The following ZMIZ1 variants were observed in gnomAD, a reference collection of about 807,000 sequenced individuals.
ZMIZ1 encodes zinc finger MIZ-type containing 1.
A neutral mutation model predicts 113.9 loss-of-function variants in ZMIZ1; 17 were observed. That is an observed-to-expected ratio of 0.15 (90% CI 0.10 to 0.22). The LOEUF is 0.22. ZMIZ1 is among the 10% of genes least tolerant of loss of function. The probability of loss-of-function intolerance (pLI) is 1.00; values close to 1 mark genes in which losing one functional copy is unlikely to be tolerated. For synonymous variants in ZMIZ1, 607 were observed against 603.1 expected, an observed-to-expected ratio of 1.01 and a Z score of -0.09; for missense variants, 1,059 against 1,477.8, an observed-to-expected ratio of 0.72 and a Z score of 4.65.
intron 7 of ZMIZ1, among the ~76,000 whole-genome samples, chr10:79,222,353 C>T (rs1423854363): frequency 6.6e-6 from 1 of 152,170 alleles, no homozygotes; most frequent in Non-Finnish European, 1.5e-5. Flanking sequence ...GCTGTGCCCT[C>T]CCCATCCTTC....
In ZMIZ1 at chr10:79,300,995, G is replaced by A. The variant is rs77314359; in HGVS notation, c.2019+53G>A. The A allele has an allele frequency of 8.3e-3, 13,158 of 1,591,740 alleles. 675 individuals are homozygous for A. The East Asian group carries it at 0.15, about 18-fold the overall frequency. ...TGGCACAGGCAGGCCCTGTTTCACG[G>A]CATGAGAGTGCGGAATACCCTGCCC... On this transcript the variant is annotated intron_variant, in intron 17 of 24. Transcript: ENST00000334512.
intron 7 of ZMIZ1, among the ~76,000 whole-genome samples, chr10:79,248,584 C>A (rs1850352950): frequency 6.6e-6 from 1 of 152,190 alleles, no homozygotes; most frequent in African/African-American, 2.4e-5. Flanking sequence ...AATGTCCCTG[C>A]CCCTGCTGAC....
intron 1 of ZMIZ1, among the ~76,000 whole-genome samples, chr10:79,071,311 G>T (rs1842277448): frequency 6.6e-6 from 1 of 152,254 alleles, no homozygotes; most frequent in Non-Finnish European, 1.5e-5. Flanking sequence ...CTCCTCCCTG[G>T]TGGGTGTGAG....
chr10:79,171,679 A>C (rs1475264690), intron 4 of ZMIZ1, among the ~76,000 whole-genome samples: 2 of 152,184 alleles, frequency 1.3e-5, no homozygotes, highest in African/African-American at 2.4e-5. Flanking sequence ...GGATGTGTTG[A>C]GATCAAAAGA....
chr10:79,236,173 GC>G (rs1276689979), intron 7 of ZMIZ1, among the ~76,000 whole-genome samples: 1 of 152,210 alleles, frequency 6.6e-6, no homozygotes, highest in Non-Finnish European at 1.5e-5. Flanking sequence ...TGGTCCTGCA[GC>G]CTGGGCCAGA....
intron 1 of ZMIZ1, among the ~76,000 whole-genome samples, chr10:79,096,476 C>T (rs985541774): frequency 2.6e-5 from 4 of 152,118 alleles, no homozygotes; most frequent in African/African-American, 9.7e-5. Context: ...TGCGCCACTG[C>T]ACTCCAGCCT....
At chr10:79,183,831 A>G (rs948081901) in intron 4 of ZMIZ1, among the ~76,000 whole-genome samples, 1 of 152,158 alleles carries the variant, frequency 6.6e-6, no homozygotes, top group African/African-American at 2.4e-5. Flanking sequence ...TTATCCTATC[A>G]TCATCATCAT....
At chr10:79,180,600 C>T (rs4980041) in intron 4 of ZMIZ1, among the ~76,000 whole-genome samples, 54,424 of 152,022 alleles carry the variant, frequency 0.36, 11,607 homozygotes, top group African/African-American at 0.57. Flanking sequence ...TCCTCCGAGT[C>T]CCCCAGAGGC....
rs183071475 is a variant in ZMIZ1 at position 79,303,041 on chromosome 10, T to C, written c.2125+829T>C. Among the ~76,000 whole-genome samples, 754 of 152,014 alleles carry C rather than the reference T, an allele frequency of 5.0e-3. 9 individuals are homozygous for C. The highest frequency in any genetic ancestry group is 0.017 in the African/African-American group (708 of 41,506). On this transcript the variant is annotated intron_variant, in intron 18 of 24. Transcript: ENST00000334512. ...CGCACCTGGCTAATTTTTTGTGTTT[T>C]AGTAGAGACGGGGTTTCACCGTGTT...
chr10:79,106,420 G>A (rs1038373995), intron 1 of ZMIZ1, among the ~76,000 whole-genome samples: 2 of 151,964 alleles, frequency 1.3e-5, no homozygotes, highest in Non-Finnish European at 2.9e-5. Context: ...GGGACCAATT[G>A]GTAATGCCTG....
chr10:79,139,551 A>G, intron 2 of ZMIZ1, 131 bp from the exon 3 acceptor site: 1 of 396,780 alleles, frequency 2.5e-6, no homozygotes. Flanking sequence ...TAAATCAGGC[A>G]TCCCGGGGTG....
At chr10:79,170,909 G>A (rs1397930601) in intron 4 of ZMIZ1, among the ~76,000 whole-genome samples, 1 of 152,150 alleles carries the variant, frequency 6.6e-6, no homozygotes, top group African/African-American at 2.4e-5. Flanking sequence ...CCAGGCTTAA[G>A]CCCTCAACTT....
At chr10:79,123,905 T>C (rs995687354) in intron 2 of ZMIZ1, among the ~76,000 whole-genome samples, 3 of 152,214 alleles carry the variant, frequency 2.0e-5, no homozygotes, top group Non-Finnish European at 4.4e-5. Context: ...AGGGTCCGCA[T>C]ATGGCATGCC....
chr10:79,165,298 G>T (rs967991032), intron 4 of ZMIZ1, among the ~76,000 whole-genome samples: 3 of 152,176 alleles, frequency 2.0e-5, no homozygotes, highest in Admixed American at 6.5e-5. Context: ...GCCTGACAAA[G>T]CCGGTTTCCT....
chr10:79,117,811 G>A (rs1205202446), intron 1 of ZMIZ1, among the ~76,000 whole-genome samples: 2 of 152,222 alleles, frequency 1.3e-5, no homozygotes, highest in African/African-American at 4.8e-5. Flanking sequence ...GGGGCTTCCT[G>A]TGATGTCCCC....
intron 1 of ZMIZ1, among the ~76,000 whole-genome samples, chr10:79,085,085 G>C (rs1271437769): frequency 1.3e-5 from 2 of 152,018 alleles, no homozygotes; most frequent in Non-Finnish European, 2.9e-5. Context: ...TGCTCTGAGG[G>C]CCACAGGTCC....
At chr10:79,171,303 G>T (rs7918861) in intron 4 of ZMIZ1, among the ~76,000 whole-genome samples, 1 of 152,208 alleles carries the variant, frequency 6.6e-6, no homozygotes, top group Non-Finnish European at 1.5e-5. Context: ...TCACTCCACC[G>T]GGGATGAGGC....
intron 12 of ZMIZ1, chr10:79,294,098 C>T (rs537553203): frequency 4.3e-5 from 9 of 207,214 alleles, no homozygotes; most frequent in African/African-American, 1.1e-4. Flanking sequence ...CTGACCCGTC[C>T]GGGAAGTGAC....
At chr10:79,141,178 G>T (rs1196451576) in intron 3 of ZMIZ1, among the ~76,000 whole-genome samples, 1 of 152,156 alleles carries the variant, frequency 6.6e-6, no homozygotes, top group Non-Finnish European at 1.5e-5. Context: ...GCAGACATTC[G>T]GGGAGGAGGA....
Sources: gnomAD v4.1 joint callset for allele counts (sites outside exome capture counted in the v4.1 genomes callset) on GRCh38, gnomAD v4.1.1 for gene constraint, MANE v1.5 for transcripts, NCBI Gene and HGNC (gene_info 2026-07-23, HGNC 2026-07-21) for gene names.